PHTF2: variants seen among roughly 807,000 people sequenced by gnomAD.
PHTF2 encodes putative homeodomain transcription factor 2, also known as protein PHTF2.
In PHTF2, 60 loss-of-function variants were observed where a neutral mutation model predicts 101.2. The observed-to-expected ratio is 0.59, with a 90% CI of 0.48 to 0.73. The LOEUF (loss-of-function observed/expected upper bound fraction) is 0.73. Ranked by LOEUF, PHTF2 falls within the 30% of genes least tolerant of loss-of-function variation. The pLI is 0.00. For synonymous variants in PHTF2, 311 were observed against 307.3 expected (o/e 1.01, Z -0.13); for missense variants, 747 against 908.7 (o/e 0.82, Z 2.29).
At chr7:77,896,976 T>C (rs1171725424) in intron 5 of PHTF2, among the ~76,000 whole-genome samples, 3 of 152,208 alleles carry the variant, frequency 2.0e-5, no homozygotes, top group African/African-American at 4.8e-5. Context: ...CTTTTGTAAG[T>C]TGCGAATTAT....
intron 1 of PHTF2, among the ~76,000 whole-genome samples, chr7:77,803,781 C>A (rs1792754801): frequency 6.6e-6 from 1 of 150,720 alleles, no homozygotes; most frequent in African/African-American, 2.4e-5. Context: ...AAATGGCAAA[C>A]AAGCAAATAA....
At chr7:77,917,061 A>G (rs1018666266) in intron 9 of PHTF2, among the ~76,000 whole-genome samples, 2 of 152,078 alleles carry the variant, frequency 1.3e-5, no homozygotes, top group East Asian at 3.9e-4. Context: ...CATTCCTTCT[A>G]CATTTATTAG....
In PHTF2 at chr7:77,865,831, T is replaced by C. The variant is rs541797780; in HGVS notation, c.147+10997T>C. On this transcript the variant is annotated intron_variant, in intron 3 of 19. Transcript: ENST00000416283. ...CCATGTATCAAGCCAGGCACTTATT[T>C]CAAGGGACTTGATTTGAGTTGTCAA... 4.6e-5 allele frequency among the ~76,000 whole-genome samples: 7 copies of C among 152,282 alleles called. No individual in the cohort carries two copies. In the South Asian group the frequency reaches 1.5e-3, roughly 32 times the overall value.
intron 1 of PHTF2, among the ~76,000 whole-genome samples, chr7:77,817,344 A>G (rs1793928889): frequency 6.6e-6 from 1 of 152,192 alleles, no homozygotes; most frequent in Admixed American, 6.5e-5. Flanking sequence ...CACGCTGCTA[A>G]TAAAGACATA....
rs767108828 is a variant in PHTF2 at position 77,940,084 on chromosome 7, C to G, written c.1522C>G (p.Leu508Val). 5.6e-6 allele frequency: 9 copies of G among 1,613,456 alleles called. No homozygotes were observed. The highest frequency in any genetic ancestry group is 1.3e-5 in the African/African-American group (1 of 74,916). Residue 508 changes from leucine to valine, a missense_variant, in exon 14 of 20, where the codon CTC becomes GTC. Around this residue, in one of 6 missense-constraint regions of PHTF2, gnomAD observed 349 missense variants for 369.7 expected, o/e 0.94. Transcript: ENST00000416283. ...CCAGATTTTTGGAAATGCAGTCTCT[C>G]TCATACTGGGTTTAACTCCATTTGT...
At chr7:77,926,027 C>T (rs957201590) in intron 11 of PHTF2, among the ~76,000 whole-genome samples, 14 of 151,526 alleles carry the variant, frequency 9.2e-5, no homozygotes, top group African/African-American at 2.7e-4. Context: ...CTGCATCCAG[C>T]GTGGTGACAG....
At position 77,875,736 on chromosome 7, in the gene PHTF2, T is replaced by A. The variant is rs1486254705; in HGVS notation, c.148-17872T>A. Among the ~76,000 whole-genome samples, 2 of 151,932 alleles carry A rather than the reference T, an allele frequency of 1.3e-5. 1 individual carries two copies. Reference sequence around the variant, plus strand: ...CCACGCCTGGCTAATTTTTTGTATTTTTAGTAGAGACGGGGTTTCAGTGCG... The same window carrying A: ...CCACGCCTGGCTAATTTTTTGTATTATTAGTAGAGACGGGGTTTCAGTGCG... On this transcript the variant is annotated intron_variant, in intron 3 of 19. Transcript: ENST00000416283.
chr7:77,944,813 A>G (rs1053391631), intron 16 of PHTF2, among the ~76,000 whole-genome samples: 11 of 152,236 alleles, frequency 7.2e-5, no homozygotes, highest in Non-Finnish European at 1.2e-4. Context: ...ACTTCAGACA[A>G]ATGAAAAATA....
At chr7:77,907,381 C>G (rs1298894422) in intron 7 of PHTF2, among the ~76,000 whole-genome samples, 1 of 151,954 alleles carries the variant, frequency 6.6e-6, no homozygotes, top group Non-Finnish European at 1.5e-5. Context: ...TATATTGGAC[C>G]AGGATTCTTT....
chr7:77,817,212 AT>A (rs1793918234), intron 1 of PHTF2, among the ~76,000 whole-genome samples: 1 of 152,198 alleles, frequency 6.6e-6, no homozygotes, highest in African/African-American at 2.4e-5. Flanking sequence ...TTTTCTCTGC[AT>A]TCTCATCAGC....
At position 77,874,724 on chromosome 7, in the gene PHTF2, C is replaced by T. The variant is rs141865046; in HGVS notation, c.148-18884C>T. On this transcript the variant is annotated intron_variant, in intron 3 of 19. Transcript: ENST00000416283. ...TGTTAATCTCCTTTGGCAGCACCCT[C>T]ACAGACACACCCAGGATCAATACTT... is the stretch of plus-strand genomic sequence containing the variant. Among the ~76,000 whole-genome samples, 6 of 152,340 alleles carry T rather than the reference C, an allele frequency of 3.9e-5. No homozygotes were observed. The East Asian group carries it at 9.6e-4, about 24-fold the overall frequency.
chr7:77,884,036 C>A (rs1407969109), intron 3 of PHTF2, among the ~76,000 whole-genome samples: 1 of 152,140 alleles, frequency 6.6e-6, no homozygotes, highest in Non-Finnish European at 1.5e-5. Flanking sequence ...AGTACCTTGT[C>A]CATGTCCATG....
chr7:77,802,665 G>A (rs1298507667), intron 1 of PHTF2, among the ~76,000 whole-genome samples: 1 of 152,186 alleles, frequency 6.6e-6, no homozygotes, highest in African/African-American at 2.4e-5. Context: ...CTCCTGAGTA[G>A]CTAGACCTGC....
intron 9 of PHTF2, among the ~76,000 whole-genome samples, chr7:77,916,746 T>G (rs187865527): frequency 2.6e-5 from 4 of 152,318 alleles, no homozygotes; most frequent in Non-Finnish European, 5.9e-5. Context: ...TCATTTACTT[T>G]AAATCCTCTT....
intron 2 of PHTF2, among the ~76,000 whole-genome samples, chr7:77,845,804 A>G (rs777124614): frequency 4.6e-5 from 7 of 152,172 alleles, no homozygotes; most frequent in Non-Finnish European, 1.0e-4. Context: ...TTCCTCCATC[A>G]GTCTCCTGGA....
intron 12 of PHTF2, 24 bp downstream of exon 11, chr7:77,929,351 G>A (rs750066593): frequency 8.3e-7 from 1 of 1,206,732 alleles, no homozygotes; most frequent in Non-Finnish European, 1.2e-6. Context: ...TTTGGCTTAT[G>A]TGGAGCTATG....
intron 5 of PHTF2, among the ~76,000 whole-genome samples, chr7:77,897,134 C>T (rs1345444600): frequency 1.3e-5 from 2 of 151,694 alleles, no homozygotes; most frequent in African/African-American, 4.8e-5. Flanking sequence ...ACTTAAAAAG[C>T]TTATAAAGTC....
intron 1 of PHTF2, among the ~76,000 whole-genome samples, chr7:77,805,858 A>G (rs926524193): frequency 9.2e-5 from 14 of 152,248 alleles, no homozygotes; most frequent in Non-Finnish European, 2.1e-4. Flanking sequence ...ACTTGAAAAG[A>G]ATATTGGATG....
intron 1 of PHTF2, among the ~76,000 whole-genome samples, chr7:77,827,350 AT>A (rs1794759436): frequency 6.6e-6 from 1 of 151,946 alleles, no homozygotes; most frequent in African/African-American, 2.4e-5. Context: ...TTAATATTTT[AT>A]TTTTATTTAT....
Sources: allele counts gnomAD v4.1 joint callset (sites outside exome capture counted in the v4.1 genomes callset), GRCh38; gene constraint gnomAD v4.1.1; regional missense constraint gnomAD v4.1.1; transcripts MANE v1.5; gene names NCBI Gene and HGNC (gene_info 2026-07-23, HGNC 2026-07-21).